The following ZC3H18 variants were observed in gnomAD, a reference collection of about 807,000 sequenced individuals.
ZC3H18 encodes the protein zinc finger CCCH-type containing 18, also known as zinc finger CCCH domain-containing protein 18.
Under a neutral mutation model 106.1 loss-of-function variants are expected in ZC3H18, and 8 were observed. That is an observed-to-expected ratio of 0.08 (90% CI 0.04 to 0.14). The LOEUF (loss-of-function observed/expected upper bound fraction) is 0.14. ZC3H18 is among the 10% of genes least tolerant of loss of function. The pLI is 1.00. For missense variants in ZC3H18, 1,318 were observed against 1,278.4 expected (o/e 1.03, Z -0.47); for synonymous variants, 635 against 522.1 (o/e 1.22, Z -2.95).
chr16:88,627,530 G>A lies in ZC3H18; in HGVS notation c.2109-92G>A, dbSNP rs951116376. ...TTCCGTGGGTACATGATCCATAAAT[G>A]GACACTGCGTAAAAGTGGACCATGG... is the stretch of plus-strand genomic sequence containing the variant. On this transcript the variant is annotated intron_variant, in intron 13 of 17. Coordinates refer to ENST00000301011, the MANE Select transcript of ZC3H18 (RefSeq NM_144604.4). This position sits in a 1 kb window ranked among gnomAD's most constrained non-coding sequence, Gnocchi z 4.5. 4 of 1,489,580 alleles carry A rather than the reference G, an allele frequency of 2.7e-6. No homozygotes were observed. The East Asian group carries it at 9.2e-5, about 34-fold the overall frequency. The allele number at this position is 1,489,580 out of a possible 1,614,324, so 92.3% of individuals were successfully genotyped here.
chr16:88,584,290 C>T (rs1269907472), intron 2 of ZC3H18, among the ~76,000 whole-genome samples: 7 of 151,986 alleles, frequency 4.6e-5, no homozygotes, highest in Admixed American at 6.6e-5. Context: ...GGCGTGATGT[C>T]GGGCACCTGT....
chr16:88,631,032 G>C (rs1342643434), intron 17 of ZC3H18, 69 bp from the exon 18 acceptor site: 1 of 1,592,834 alleles, frequency 6.3e-7, no homozygotes. Flanking sequence ...GCGCCCCTAC[G>C]GGGAGGTCAC....
At position 88,611,550 on chromosome 16, in the gene ZC3H18, C is replaced by T. The variant is rs761671002; in HGVS notation, c.1475+14C>T. ...GCAGCCGCCAAGGTAGACCCTGCTT[C>T]CTGAAGCCCAGGGGTGTGGGGGAGG... On this transcript the variant is annotated intron_variant, in intron 8 of 17. Transcript: ENST00000301011. The T allele has an allele frequency of 4.5e-6, 7 of 1,548,312 alleles. No homozygotes were observed. The African/African-American group carries it at 9.6e-5, about 21-fold the overall frequency.
At chr16:88,578,353 G>C (rs1253312757) in intron 2 of ZC3H18, among the ~76,000 whole-genome samples, 1 of 152,184 alleles carries the variant, frequency 6.6e-6, no homozygotes, top group African/African-American at 2.4e-5. Flanking sequence ...GGGGAAGGTA[G>C]TACTATCTAT....
chr16:88,571,779 G>C (rs776959949), intron 1 of ZC3H18: 1 of 709,550 alleles, frequency 1.4e-6, no homozygotes, highest in African/African-American at 1.9e-5. Flanking sequence ...TAGTGGTCAC[G>C]CTTGGTCACT....
chr16:88,574,914 C>G (rs1914650002), intron 1 of ZC3H18, among the ~76,000 whole-genome samples: 1 of 150,812 alleles, frequency 6.6e-6, no homozygotes, highest in Non-Finnish European at 1.5e-5. Context: ...ACTCCAAGCC[C>G]CGCCCCCTGG....
chr16:88,598,650 C>G lies in ZC3H18; in HGVS notation c.868C>G (p.Pro290Ala), dbSNP rs757644909. ...GGPVVDEILP[P>A]PPPEPPTESA... is the part of the protein sequence containing the mutation. ...GCCGGTAGTTGATGAAATTTTGCCTCCACCCCCTCCAGAGCCCCCAACAGA... is the reference window on the plus strand; with the variant it reads ...GCCGGTAGTTGATGAAATTTTGCCTGCACCCCCTCCAGAGCCCCCAACAGA... The change falls in exon 5 of 18, where the codon CCA becomes GCA. Residue 290 changes from proline to alanine, a missense_variant. Coordinates refer to ENST00000301011, the MANE Select transcript of ZC3H18 (RefSeq NM_144604.4). 1 of 1,612,588 alleles carries G rather than the reference C, an allele frequency of 6.2e-7. No homozygotes were observed. The highest frequency in any genetic ancestry group is 2.2e-5 in the East Asian group (1 of 44,848).
In ZC3H18 at chr16:88,624,755, C is replaced by A; in HGVS notation, c.2042+10C>A. 1 of 1,606,600 alleles carries A rather than the reference C, an allele frequency of 6.2e-7. No individual in the cohort carries two copies. The highest frequency in any genetic ancestry group is 8.5e-7 in the Non-Finnish European group (1 of 1,177,140). On this transcript the variant is annotated intron_variant, in intron 12 of 17. Transcript: ENST00000301011. The stretch of plus-strand genomic sequence containing the variant: ...GGACCCCCCCCAGGAGGTGAGCACT[C>A]CGGCGTCCGGGGCCCTCAGGCTTTC...
intron 8 of ZC3H18, among the ~76,000 whole-genome samples, chr16:88,621,424 C>G (rs533297673): frequency 6.6e-6 from 1 of 152,114 alleles, no homozygotes; most frequent in African/African-American, 2.4e-5. Flanking sequence ...TGGGGTTTCA[C>G]CATGTTAGCC....
chr16:88,599,133 C>A (rs1904610846), intron 5 of ZC3H18, among the ~76,000 whole-genome samples: 1 of 152,226 alleles, frequency 6.6e-6, no homozygotes, highest in Non-Finnish European at 1.5e-5. Flanking sequence ...TGGGCCACAC[C>A]CCAGCTGGCA....
At chr16:88,582,905 C>T (rs1057013320) in intron 2 of ZC3H18, among the ~76,000 whole-genome samples, 5 of 152,172 alleles carry the variant, frequency 3.3e-5, no homozygotes, top group Non-Finnish European at 5.9e-5. Context: ...CGCAGGCTAC[C>T]GTTTTAGACC....
chr16:88,581,595 C>T (rs1271570855), intron 2 of ZC3H18, among the ~76,000 whole-genome samples: 1 of 152,198 alleles, frequency 6.6e-6, no homozygotes, highest in Non-Finnish European at 1.5e-5. Context: ...GCACCTGGCT[C>T]ATTTGTGGTG....
At chr16:88,573,048 C>T (rs1263106441) in intron 1 of ZC3H18, among the ~76,000 whole-genome samples, 6 of 152,108 alleles carry the variant, frequency 3.9e-5, no homozygotes, top group Admixed American at 3.9e-4. Context: ...TGAGCCACCA[C>T]ACCCAGCCAA....
At chr16:88,586,456 C>G (rs1403837873) in intron 2 of ZC3H18, 144 bp from the exon 3 acceptor site, 6 of 709,034 alleles carry the variant, frequency 8.5e-6, no homozygotes, top group Admixed American at 2.1e-5. Context: ...GATCTGGGAC[C>G]TAAGATTTGG....
At chr16:88,606,486 C>T (rs1028337938) in intron 6 of ZC3H18, among the ~76,000 whole-genome samples, 1 of 152,230 alleles carries the variant, frequency 6.6e-6, no homozygotes, top group Admixed American at 6.5e-5. Context: ...AACAAATTTG[C>T]CGGCACAGTC....
chr16:88,576,844 G>A (rs1218232492), intron 1 of ZC3H18, among the ~76,000 whole-genome samples: 1 of 152,214 alleles, frequency 6.6e-6, no homozygotes, highest in East Asian at 1.9e-4. Context: ...GAAGGGCTAG[G>A]CCAGGCTGCG....
At chr16:88,575,964 G>A (rs775322608) in intron 1 of ZC3H18, among the ~76,000 whole-genome samples, 12 of 152,142 alleles carry the variant, frequency 7.9e-5, no homozygotes, top group Non-Finnish European at 1.3e-4. Flanking sequence ...GCGGTGGCGC[G>A]ATCTCAGCTC....
chr16:88,623,782 T>C (rs1906119496), intron 10 of ZC3H18, 176 bp from the exon 11 acceptor site: 7 of 1,223,680 alleles, frequency 5.7e-6, no homozygotes, highest in African/African-American at 1.5e-5. Flanking sequence ...CTCTCTGGTC[T>C]ACTCTGGGCC....
intron 3 of ZC3H18, among the ~76,000 whole-genome samples, chr16:88,588,880 G>A (rs1038843662): frequency 1.3e-5 from 2 of 151,462 alleles, no homozygotes; most frequent in Non-Finnish European, 2.9e-5. Context: ...GTGAGACTCA[G>A]TCTCTTGAAA....
Sources: allele counts gnomAD v4.1 joint callset (sites outside exome capture counted in the v4.1 genomes callset), GRCh38; gene constraint gnomAD v4.1.1; non-coding constraint Gnocchi (gnomAD v3.1); transcripts MANE v1.5; gene names NCBI Gene and HGNC (gene_info 2026-07-23, HGNC 2026-07-21).